Variants in CTNNA3 observed in about 807,000 individuals in gnomAD.
The protein encoded by CTNNA3 is catenin alpha-3.
CTNNA3 carries 76 observed loss-of-function variants against 95.7 expected under a neutral mutation model. That is an observed-to-expected ratio of 0.79 (90% confidence interval 0.66 to 0.96). The LOEUF is 0.96. Among genes scored for constraint, CTNNA3 ranks in the 40% least tolerant of loss-of-function variants. The pLI is 0.00. For synonymous variants in CTNNA3, 431 were observed against 374.4 expected (o/e 1.15, Z -1.74); for missense variants, 1,191 against 1,089.8 (o/e 1.09, Z -1.31).
chr10:66,568,750 T>C (rs1842784082), intron 10 of CTNNA3, among the ~76,000 whole-genome samples: 1 of 151,738 alleles, frequency 6.6e-6, no homozygotes, highest in African/African-American at 2.4e-5. Context: ...TTCTTCTGCT[T>C]GTACCAAATC....
intron 7 of CTNNA3, among the ~76,000 whole-genome samples, chr10:66,810,551 G>A (rs1841834484): frequency 6.6e-6 from 1 of 152,092 alleles, no homozygotes; most frequent in African/African-American, 2.4e-5. Flanking sequence ...TTTGCCCACA[G>A]ATTTCTTATT....
intron 13 of CTNNA3, among the ~76,000 whole-genome samples, chr10:66,272,760 C>T (rs943759895): frequency 6.6e-6 from 1 of 152,122 alleles, no homozygotes; most frequent in African/African-American, 2.4e-5. Context: ...TATGTAAACT[C>T]ATTTGTAATC....
At chr10:67,498,670 C>T (rs918259304) in intron 5 of CTNNA3, among the ~76,000 whole-genome samples, 1 of 152,030 alleles carries the variant, frequency 6.6e-6, no homozygotes, top group African/African-American at 2.4e-5. Context: ...AGTTTTATTC[C>T]TAGGTATTTT....
chr10:66,791,695 C>T (rs1441172769), intron 7 of CTNNA3, among the ~76,000 whole-genome samples: 2 of 152,192 alleles, frequency 1.3e-5, no homozygotes, highest in African/African-American at 4.8e-5. Context: ...GTGGCATATG[C>T]CAGACACTCA....
intron 13 of CTNNA3, among the ~76,000 whole-genome samples, chr10:66,240,816 G>A (rs10762037): frequency 0.81 from 122,727 of 151,916 alleles, 49,913 homozygotes; most frequent in South Asian, 0.94. Context: ...AAGAACAGTG[G>A]TAAGAGTAAT....
intron 3 of CTNNA3, among the ~76,000 whole-genome samples, chr10:67,549,989 T>G (rs1840968071): frequency 6.6e-6 from 1 of 152,206 alleles, no homozygotes; most frequent in Admixed American, 6.5e-5. Flanking sequence ...CATAATCTGT[T>G]TTTTTAAAAA....
intron 5 of CTNNA3, among the ~76,000 whole-genome samples, chr10:67,228,394 T>A (rs568122138): frequency 6.6e-6 from 1 of 151,986 alleles, no homozygotes; most frequent in South Asian, 2.1e-4. Flanking sequence ...GCGGGCAGAT[T>A]ACAAGGTCAG....
chr10:66,275,645 G>A (rs991624947), intron 13 of CTNNA3, among the ~76,000 whole-genome samples: 1 of 152,070 alleles, frequency 6.6e-6, no homozygotes, highest in Admixed American at 6.6e-5. Flanking sequence ...TTCATTATTG[G>A]ACCATTTCCA....
intron 7 of CTNNA3, among the ~76,000 whole-genome samples, chr10:66,803,728 T>C (rs1841525891): frequency 6.6e-6 from 1 of 152,068 alleles, no homozygotes; most frequent in Non-Finnish European, 1.5e-5. Flanking sequence ...CCATCAATAA[T>C]CACAAAGCTA....
chr10:66,330,892 T>C (rs1297153059), intron 12 of CTNNA3, among the ~76,000 whole-genome samples: 1 of 152,134 alleles, frequency 6.6e-6, no homozygotes, highest in Non-Finnish European at 1.5e-5. Context: ...TCTGTTCATA[T>C]CCTTTGCCCA....
At chr10:66,893,845 C>T (rs1845369310) in intron 7 of CTNNA3, among the ~76,000 whole-genome samples, 1 of 152,146 alleles carries the variant, frequency 6.6e-6, no homozygotes, top group Admixed American at 6.5e-5. Context: ...CCAAGGAAGT[C>T]CTTCTGCCAG....
intron 14 of CTNNA3, among the ~76,000 whole-genome samples, chr10:66,101,980 T>A (rs2081651635): frequency 6.6e-6 from 1 of 152,198 alleles, no homozygotes; most frequent in East Asian, 1.9e-4. Flanking sequence ...TATCAACATT[T>A]TTTTTAAGGA....
intron 15 of CTNNA3, among the ~76,000 whole-genome samples, chr10:66,032,502 G>A (rs1479785489): frequency 6.6e-6 from 1 of 152,098 alleles, no homozygotes; most frequent in Non-Finnish European, 1.5e-5. Flanking sequence ...AGTGGTTGAA[G>A]CTACGGTCTC....
intron 9 of CTNNA3, among the ~76,000 whole-genome samples, chr10:66,665,629 T>A (rs1432257499): frequency 6.6e-6 from 1 of 152,172 alleles, no homozygotes; most frequent in Non-Finnish European, 1.5e-5. Flanking sequence ...CCCATCTGTT[T>A]CAATGCCAGC....
chr10:66,009,557 T>C (rs1316980179), intron 15 of CTNNA3, among the ~76,000 whole-genome samples: 1 of 152,192 alleles, frequency 6.6e-6, no homozygotes, highest in Non-Finnish European at 1.5e-5. Flanking sequence ...TTCTTTTCAC[T>C]CTCGAAAAGA....
intron 7 of CTNNA3, among the ~76,000 whole-genome samples, chr10:66,822,346 T>C (rs1842332568): frequency 6.6e-6 from 1 of 152,088 alleles, no homozygotes; most frequent in Non-Finnish European, 1.5e-5. Flanking sequence ...GCCTTCAGAA[T>C]CCTCATCACA....
chr10:66,791,935 TATA>T (rs1242111861), intron 7 of CTNNA3, among the ~76,000 whole-genome samples: 19 of 151,360 alleles, frequency 1.3e-4, no homozygotes, highest in East Asian at 9.6e-4. Context: ...CTGCAAAGTG[TATA>T]ATATTTCACT....
intron 5 of CTNNA3, among the ~76,000 whole-genome samples, chr10:67,325,968 A>G (rs1192313469): frequency 6.6e-6 from 1 of 152,098 alleles, no homozygotes; most frequent in East Asian, 1.9e-4. Flanking sequence ...CCCCTTTACT[A>G]TTATGTAATG....
Position 66,215,121 on chromosome 10 carries a change from A to C in CTNNA3, c.1884+65349T>G, listed in dbSNP as rs144317806. Among the ~76,000 whole-genome samples the C allele has an allele frequency of 3.5e-3, 526 of 152,304 alleles. 3 individuals carry two copies. The highest frequency in any genetic ancestry group is 0.012 in the African/African-American group (487 of 41,564). Reference sequence around the variant, plus strand: ...TCTCATGTGCACAGAGTAAGGAACAAGAAATAACAGGGATGATGGTTTCCA... The same window carrying C: ...TCTCATGTGCACAGAGTAAGGAACACGAAATAACAGGGATGATGGTTTCCA... On this transcript the variant is annotated intron_variant, in intron 13 of 17. Transcript: ENST00000433211.
Sources: allele counts gnomAD v4.1 joint callset (sites outside exome capture counted in the v4.1 genomes callset), GRCh38; gene constraint gnomAD v4.1.1; transcripts MANE v1.5; gene names NCBI Gene and HGNC (gene_info 2026-07-23, HGNC 2026-07-21).